The following DCHS1 variants were observed in gnomAD, a reference collection of about 807,000 sequenced individuals.
DCHS1 encodes the protein dachsous cadherin-related 1, also known as protocadherin-16.
DCHS1 carries 78 observed loss-of-function variants against 213.9 expected under a neutral mutation model. That is an observed-to-expected ratio of 0.36 (90% CI 0.30 to 0.44). The LOEUF is 0.44. DCHS1 is among the 20% of genes least tolerant of loss of function. The probability of loss-of-function intolerance (pLI) is 1.00; values close to 1 mark genes in which losing one functional copy is unlikely to be tolerated. For missense variants in DCHS1, 3,946 were observed against 4,395.9 expected, an observed-to-expected ratio of 0.90 and a Z score of 2.89; for synonymous variants, 1,828 against 1,873.7, an observed-to-expected ratio of 0.98 and a Z score of 0.63.
chr11:6,634,098 C>A lies in DCHS1; in HGVS notation c.1986+20G>T. ...TGCCCTACCCCAACATCCCAACCTG[C>A]CCTTGGTCTACTGACTTACCCCATC... is the stretch of plus-strand genomic sequence containing the variant. On this transcript the variant is annotated intron_variant, in intron 3 of 20. Coordinates refer to ENST00000299441, the MANE Select transcript of DCHS1 (RefSeq NM_003737.4). The A allele has an allele frequency of 6.3e-7, 1 of 1,598,612 alleles. No homozygotes were observed. Among genetic ancestry groups the A allele is most frequent in the Non-Finnish European group, 8.5e-7 (1 of 1,170,572 alleles).
rs1194647136 is a variant in DCHS1, at chr11:6,632,742, C to T, written c.2770G>A (p.Gly924Ser). 6.2e-7 allele frequency: 1 copy of T among 1,610,920 alleles called. No individual in the cohort carries two copies. The highest frequency in any genetic ancestry group is 1.1e-5 in the South Asian group (1 of 90,330). ...YTLRALDPDSGVNSRVTFTLL... is the reference protein window; with the variant it reads ...YTLRALDPDSSVNSRVTFTLL... The stretch of plus-strand genomic sequence containing the variant: ...GTAAAGGTGACTCGACTGTTAACAC[C>T]TGAGTCGGGGTCAAGAGCCCGCAGT... Residue 924 changes from glycine (G) to serine (S), a missense_variant, in exon 6 of 21, where the codon GGT becomes AGT. This residue lies in a region of DCHS1 where 3,384 missense variants were observed against 3,780.1 expected (regional missense o/e 0.90). Coordinates refer to ENST00000299441, the MANE Select transcript of DCHS1 (RefSeq NM_003737.4). The surrounding 1 kb of genome is among the most constrained non-coding windows in gnomAD (Gnocchi z 5.9).
chr11:6,624,441 G>T, intron 20 of DCHS1, 51 bp from the exon 21 acceptor site: 2 of 1,484,600 alleles, frequency 1.3e-6, no homozygotes, highest in South Asian at 2.6e-5. Flanking sequence ...GGCTGTGAGT[G>T]AACAGAAGAG....
chr11:6,631,097 G>A lies in DCHS1; in HGVS notation c.3886C>T (p.Gln1296Ter). ...HYVLTLSAHD[Q>*]GSPPRSASLQ... ...CTGGCACTTCGAGGAGGGCTGCCTT[G>A]GTCATGAGCACTCAGTGTCAGCACA... The change falls in exon 9 of 21, where the codon CAA becomes TAA. Residue 1296 changes from glutamine to a stop codon, truncating the protein, a stop_gained. Coordinates refer to ENST00000299441, the MANE Select transcript of DCHS1 (RefSeq NM_003737.4). LOFTEE classifies it high-confidence loss of function. 6.2e-7 allele frequency: 1 copy of A among 1,613,196 alleles called. No homozygotes were observed.
chr11:6,625,727 C>T lies in DCHS1; in HGVS notation c.6732G>A (p.Arg2244=), dbSNP rs148800772. ...ILDREIWAET[R]LVLMATDRGS... is the part of the protein sequence containing the mutation. ...CTCTGTCTGTGGCCATCAGCACCAA[C>T]CTGGACACAAAGCACAATCATCGGG... The change falls in exon 18 of 21, where the codon CGG becomes CGA. Residue 2244 remains arginine (R), a splice_region_variant and synonymous_variant. Transcript: ENST00000299441. The surrounding 1 kb of genome is among the most constrained non-coding windows in gnomAD (Gnocchi z 5.3). The T allele has an allele frequency of 1.3e-3, 2,095 of 1,602,222 alleles. 14 individuals are homozygous for T. The African/African-American group carries it at 0.023, about 17-fold the overall frequency.
Position 6,631,766 on chromosome 11 carries a change from G to A in DCHS1, c.3525C>T (p.Ser1175=), listed in dbSNP as rs1015111395. The change falls in exon 7 of 21, where the codon AGC becomes AGT. Residue 1175 remains serine, a synonymous_variant. Coordinates refer to ENST00000299441, the MANE Select transcript of DCHS1 (RefSeq NM_003737.4). ...TLQTLDREQQ[S]SYQLLVQVQD... is the part of the protein sequence containing the mutation. The stretch of plus-strand genomic sequence containing the variant: ...GCACCTGCACCAGGAGCTGATAGCT[G>A]CTCTGCTGCTCACGGTCCAGGGTTT... 6.3e-7 allele frequency: 1 copy of A among 1,584,718 alleles called. No individual in the cohort carries two copies.
At chr11:6,653,061 G>C (rs910718276) in intron 1 of DCHS1, among the ~76,000 whole-genome samples, 1 of 152,042 alleles carries the variant, frequency 6.6e-6, no homozygotes, top group Non-Finnish European at 1.5e-5. Flanking sequence ...CCAATGATTT[G>C]GTGACTCTCC....
chr11:6,630,941 A>AGGAAAGTG (rs1855898131), intron 9 of DCHS1, 78 bp from the exon 10 acceptor site: 1 of 1,499,990 alleles, frequency 6.7e-7, no homozygotes, highest in Non-Finnish European at 8.9e-7. Flanking sequence ...CCCAGGTGGT[A>AGGAAAGTG]GGAAAGTGGT....
chr11:6,647,080 G>T (rs562403839), intron 1 of DCHS1, among the ~76,000 whole-genome samples: 97 of 152,350 alleles, frequency 6.4e-4, no homozygotes, highest in African/African-American at 2.3e-3. Flanking sequence ...GACAACAGGG[G>T]TGAGGAGGGG....
At chr11:6,633,281 G>A in intron 5 of DCHS1, 131 bp downstream of exon 5, 1 of 1,080,534 alleles carries the variant, frequency 9.3e-7, no homozygotes, top group Non-Finnish European at 1.3e-6. Context: ...GAGGTGTTGG[G>A]CATTGGTACA....
rs1214756532 is a variant in DCHS1, at chr11:6,625,592, C to T, written c.6862+5G>A. 6.2e-7 allele frequency: 1 copy of T among 1,613,534 alleles called. No homozygotes were observed. The highest frequency in any genetic ancestry group is 8.5e-7 in the Non-Finnish European group (1 of 1,179,860). The stretch of plus-strand genomic sequence containing the variant: ...CTTTATGCCACCCACTTTACCCAGC[C>T]TCACCTTCTGACACTCGGAGCTCCC... On this transcript the variant is annotated splice_donor_5th_base_variant and intron_variant, in intron 18 of 20. Coordinates refer to ENST00000299441, the MANE Select transcript of DCHS1 (RefSeq NM_003737.4). This position sits in a 1 kb window ranked among gnomAD's most constrained non-coding sequence, Gnocchi z 5.3.
In DCHS1 at chr11:6,625,118, C is replaced by A. The variant is rs1855772309; in HGVS notation, c.7146+80G>T. 7 of 1,517,262 alleles carry A rather than the reference C, an allele frequency of 4.6e-6. No homozygotes were observed. The Admixed American group carries it at 1.5e-4, about 33-fold the overall frequency. The allele number at this position is 1,517,262 out of a possible 1,614,324, so 94.0% of individuals were successfully genotyped here. Reference sequence around the variant, plus strand: ...ATCAGCTCCAACGTCCAGCCCACCTCAGCAGCTGCTAGCTCTGATACTTCC... The same window carrying A: ...ATCAGCTCCAACGTCCAGCCCACCTAAGCAGCTGCTAGCTCTGATACTTCC... On this transcript the variant is annotated intron_variant, in intron 19 of 20. Coordinates refer to ENST00000299441, the MANE Select transcript of DCHS1 (RefSeq NM_003737.4). The surrounding 1 kb of genome is among the most constrained non-coding windows in gnomAD (Gnocchi z 5.3).
rs1855753446 is a variant in DCHS1, at chr11:6,624,189, G to A, written c.7487C>T (p.Pro2496Leu). The A allele has an allele frequency of 1.2e-6, 2 of 1,613,202 alleles. No homozygotes were observed. The highest frequency in any genetic ancestry group is 1.7e-5 in the Admixed American group (1 of 59,938). The change falls in exon 21 of 21, where the codon CCC (proline) becomes CTC (leucine). Residue 2496 changes from proline to leucine, a missense_variant. Transcript: ENST00000299441. ...CAGGGTGAGCAGAGTGGAGCCAGGG[G>A]GCAGGTCTTCAGTCACAGCCACACG... ...HYRVAVTEDLPPGSTLLTLEA... is the reference protein window; with the variant it reads ...HYRVAVTEDLLPGSTLLTLEA...
Position 6,626,405 on chromosome 11 carries a change from G to A in DCHS1, c.6365-25C>T, listed in dbSNP as rs1449781341. 5.6e-6 allele frequency: 9 copies of A among 1,609,976 alleles called. No homozygotes were observed. The highest frequency in any genetic ancestry group is 7.6e-6 in the Non-Finnish European group (9 of 1,177,700). On this transcript the variant is annotated intron_variant, in intron 15 of 20. Coordinates refer to ENST00000299441, the MANE Select transcript of DCHS1 (RefSeq NM_003737.4). This position sits in a 1 kb window ranked among gnomAD's most constrained non-coding sequence, Gnocchi z 5.2. ...CCTGGGCGAGATAGAATGCATCAGT[G>A]ATAGCCCCCTTTGCTTGCCCTGGAG...
chr11:6,622,489 G>A lies in DCHS1; in HGVS notation c.9187C>T (p.Arg3063Cys), dbSNP rs1407633324. The change falls in exon 21 of 21, where the codon CGT becomes TGT. Residue 3063 changes from arginine to cysteine, a missense_variant. Arg to Cys is a radical substitution (Grantham distance 180). Transcript: ENST00000299441. This position sits in a 1 kb window ranked among gnomAD's most constrained non-coding sequence, Gnocchi z 5.4. Reference sequence around the variant, plus strand: ...TGCTGGATGCCTGAGTCAGGGCCACGGGCAGCCAGAGAGGAGGCCACACTG... The same window carrying A: ...TGCTGGATGCCTGAGTCAGGGCCACAGGCAGCCAGAGAGGAGGCCACACTG... ...VASVASSLAA[R>C]GPDSGIQQDA... 5.1e-6 allele frequency: 8 copies of A among 1,572,352 alleles called. No homozygotes were observed. The highest frequency in any genetic ancestry group is 6.9e-6 in the Non-Finnish European group (8 of 1,159,102).
In DCHS1 at chr11:6,632,579, C is replaced by G. The variant is rs769697515; in HGVS notation, c.2933G>C (p.Arg978Pro). The change falls in exon 6 of 21, where the codon CGC becomes CCC. Residue 978 changes from arginine (R) to proline (P), a missense_variant. Coordinates refer to ENST00000299441, the MANE Select transcript of DCHS1 (RefSeq NM_003737.4). This position sits in a 1 kb window ranked among gnomAD's most constrained non-coding sequence, Gnocchi z 5.9. ...CACCCGTAGTCGAAAGTGGCTGGTG[C>G]GTGGTGGGGAGCCCCCATCCCGGGC... ...LEARDGGSPP[R>P]TSHFRLRVVV... The G allele has an allele frequency of 1.3e-5, 20 of 1,509,598 alleles. No individual in the cohort carries two copies. Among genetic ancestry groups the G allele is most frequent in the Non-Finnish European group, 1.8e-5 (20 of 1,125,810 alleles). The allele number at this position is 1,509,598 out of a possible 1,614,324, so 93.5% of individuals were successfully genotyped here.
rs1363165076 is a variant in DCHS1 at position 6,623,815 on chromosome 11, G to C, written c.7861C>G (p.Leu2621Val). ...VPEDTPVGAE[L>V]LHVEASDADP... ...GCGTCAGAGGCCTCTACATGCAGCA[G>C]CTCAGCTCCAACAGGTGTGTCCTCA... The change falls in exon 21 of 21, where the codon CTG becomes GTG. Residue 2621 changes from leucine (L) to valine (V), a missense_variant. By Grantham distance (32) the Leu-to-Val change is conservative (BLOSUM62 1). This residue lies in a region of DCHS1 where 3,384 missense variants were observed against 3,780.1 expected (regional missense o/e 0.90). Transcript: ENST00000299441. The C allele has an allele frequency of 6.2e-7, 1 of 1,613,788 alleles. No homozygotes were observed. Among genetic ancestry groups the C allele is most frequent in the East Asian group, 2.2e-5 (1 of 44,882 alleles).
chr11:6,626,481 G>C lies in DCHS1; in HGVS notation c.6364+71C>G. Reference sequence around the variant, plus strand: ...AAGGACAGCCCTTCACCCATCAAAGGCTCCTCTGATGCAAAGAACCTGCTT... The same window carrying C: ...AAGGACAGCCCTTCACCCATCAAAGCCTCCTCTGATGCAAAGAACCTGCTT... On this transcript the variant is annotated intron_variant, in intron 15 of 20. Coordinates refer to ENST00000299441, the MANE Select transcript of DCHS1 (RefSeq NM_003737.4). This position sits in a 1 kb window ranked among gnomAD's most constrained non-coding sequence, Gnocchi z 5.2. 11 of 1,604,402 alleles carry C rather than the reference G, an allele frequency of 6.9e-6. No homozygotes were observed. Among genetic ancestry groups the C allele is most frequent in the Non-Finnish European group, 6.0e-6 (7 of 1,172,832 alleles).
chr11:6,642,372 T>C (rs185491899), intron 1 of DCHS1, among the ~76,000 whole-genome samples: 1 of 152,126 alleles, frequency 6.6e-6, no homozygotes, highest in Admixed American at 6.5e-5. Context: ...TAATTACAAG[T>C]ATGGTAAGAG....
chr11:6,628,652 T>C lies in DCHS1; in HGVS notation c.5340A>G (p.Gly1780=). ...TGCGGTACTGCAACTGCCCATTGGCTCCCACATCTGGATCAGAGGCCCGAA... is the reference window on the plus strand; with the variant it reads ...TGCGGTACTGCAACTGCCCATTGGCCCCCACATCTGGATCAGAGGCCCGAA... The part of the protein sequence containing the change: ...TMLRASDPDV[G]ANGQLQYRIL... The change falls in exon 13 of 21, where the codon GGA becomes GGG. Residue 1780 remains glycine, a synonymous_variant. Coordinates refer to ENST00000299441, the MANE Select transcript of DCHS1 (RefSeq NM_003737.4). This position sits in a 1 kb window ranked among gnomAD's most constrained non-coding sequence, Gnocchi z 4.3. 6.2e-7 allele frequency: 1 copy of C among 1,614,020 alleles called. No individual in the cohort carries two copies. The highest frequency in any genetic ancestry group is 1.3e-5 in the African/African-American group (1 of 75,048).
Sources: allele counts gnomAD v4.1 joint callset (sites outside exome capture counted in the v4.1 genomes callset), GRCh38; gene constraint gnomAD v4.1.1; regional missense constraint gnomAD v4.1.1; non-coding constraint Gnocchi (gnomAD v3.1); transcripts MANE v1.5; gene names NCBI Gene and HGNC (gene_info 2026-07-23, HGNC 2026-07-21).